The following ARHGAP23 variants were observed in gnomAD, a reference collection of about 807,000 sequenced individuals.
The protein encoded by ARHGAP23 is Rho GTPase activating protein 23.
Under a neutral mutation model 136.3 loss-of-function variants are expected in ARHGAP23, and 34 were observed. That is an observed-to-expected ratio of 0.25 (90% CI 0.19 to 0.33). ARHGAP23 has a LOEUF of 0.33. Ranked by LOEUF, ARHGAP23 falls within the 10% of genes least tolerant of loss-of-function variation. ARHGAP23 has a pLI of 1.00. For synonymous variants in ARHGAP23, 832 were observed against 920.5 expected (o/e 0.90, Z 1.74); for missense variants, 1,808 against 2,139.0 (o/e 0.85, Z 3.05).
At chr17:38,467,988 A>G (rs950129991) in intron 7 of ARHGAP23, among the ~76,000 whole-genome samples, 12 of 152,212 alleles carry the variant, frequency 7.9e-5, no homozygotes, top group Admixed American at 7.9e-4. Context: ...ATGCAGGGAC[A>G]ATCCATTGGG....
At chr17:38,422,153 G>A (rs909377902) in intron 1 of ARHGAP23, among the ~76,000 whole-genome samples, 9 of 152,172 alleles carry the variant, frequency 5.9e-5, no homozygotes, top group African/African-American at 1.4e-4. Context: ...ATCAGACTTC[G>A]GCTAGAATCC....
intron 1 of ARHGAP23, among the ~76,000 whole-genome samples, chr17:38,456,232 G>C (rs1354461258): frequency 6.6e-6 from 1 of 152,148 alleles, no homozygotes; most frequent in Non-Finnish European, 1.5e-5. Context: ...CTCTTCCCCA[G>C]ACCTGCTCGA....
chr17:38,467,372 G>A, intron 7 of ARHGAP23, 41 bp downstream of exon 7: 5 of 1,448,258 alleles, frequency 3.5e-6, no homozygotes, highest in Non-Finnish European at 4.6e-6. Context: ...GGACTTAGCT[G>A]TCGGCTGTCT....
At chr17:38,441,094 G>A (rs1358797417) in intron 1 of ARHGAP23, among the ~76,000 whole-genome samples, 1 of 152,210 alleles carries the variant, frequency 6.6e-6, no homozygotes, top group African/African-American at 2.4e-5. Flanking sequence ...CTTTTGCTGA[G>A]TGACCATTCG....
chr17:38,470,957 C>CTT (rs35409435), intron 10 of ARHGAP23, among the ~76,000 whole-genome samples: 3,723 of 142,992 alleles, frequency 0.026, 175 homozygotes, highest in African/African-American at 0.091. Context: ...ATTTTTCTTT[C>CTT]TTTTTTTTTT....
At chr17:38,428,309 G>A (rs779745972), upstream of ARHGAP23, 1 of 263,042 alleles carries the variant, frequency 3.8e-6, no homozygotes, top group East Asian at 8.0e-5. Flanking sequence ...GAGCGAGGCC[G>A]CCGGGGCACC....
At chr17:38,499,690 G>A (rs777525711) in intron 22 of ARHGAP23, among the ~76,000 whole-genome samples, 1 of 152,100 alleles carries the variant, frequency 6.6e-6, no homozygotes, top group Non-Finnish European at 1.5e-5. Flanking sequence ...TGTGTGTCGT[G>A]TGTGGTCGCC....
rs529993249 is a variant in ARHGAP23, at chr17:38,479,441, C to T, written c.2442C>T (p.Pro814=). The T allele has an allele frequency of 2.0e-4, 304 of 1,545,414 alleles. 1 individual carries two copies. Among genetic ancestry groups the T allele is most frequent in the East Asian group, 1.9e-3 (76 of 40,866 alleles). ...RENSRAEGED[P]GCANQALISK... is the part of the protein sequence containing the mutation. ...TCTCTCCTCTCCTGCTTCAGGACCC[C>T]GGCTGTGCCAACCAAGCTCTGATCA... is the stretch of plus-strand genomic sequence containing the variant. Residue 814 remains proline, a synonymous_variant, in exon 13 of 24, where the codon CCC becomes CCT. Transcript: ENST00000622683.
At chr17:38,483,417 T>G (rs2040091681) in intron 16 of ARHGAP23, among the ~76,000 whole-genome samples, 1 of 152,126 alleles carries the variant, frequency 6.6e-6, no homozygotes, top group Admixed American at 6.6e-5. Context: ...TCTCAAAGGG[T>G]GTTCCCCAGA....
chr17:38,425,239 T>C (rs2038558215), upstream of ARHGAP23, among the ~76,000 whole-genome samples: 1 of 152,064 alleles, frequency 6.6e-6, no homozygotes, highest in Non-Finnish European at 1.5e-5. Context: ...TCCACTTGGC[T>C]CCAGCCACGA....
chr17:38,480,798 T>C (rs2040019884), intron 14 of ARHGAP23, among the ~76,000 whole-genome samples: 1 of 135,656 alleles, frequency 7.4e-6, no homozygotes. Context: ...AGTGAGACCC[T>C]GTCTCAAAAA....
chr17:38,424,037 A>G (rs554363672), upstream of ARHGAP23, among the ~76,000 whole-genome samples: 1 of 152,238 alleles, frequency 6.6e-6, no homozygotes, highest in East Asian at 1.9e-4. Flanking sequence ...AGAGGGTGAA[A>G]CTGAGGTTCT....
chr17:38,483,617 TCACACA>T (rs908056236), intron 16 of ARHGAP23, among the ~76,000 whole-genome samples: 14 of 152,264 alleles, frequency 9.2e-5, no homozygotes, highest in African/African-American at 3.4e-4. Flanking sequence ...GTCCCACGAA[TCACACA>T]CGTGAAGGCT....
chr17:38,509,842 G>T (rs1189337867), intron 23 of ARHGAP23, 102 bp from the exon 24 acceptor site: 1 of 954,294 alleles, frequency 1.0e-6, no homozygotes, highest in Non-Finnish European at 1.4e-6. Flanking sequence ...GCTGGGGCTT[G>T]TGGCGACTGG....
chr17:38,496,090 G>T (rs1227223112), intron 20 of ARHGAP23, among the ~76,000 whole-genome samples: 2 of 151,980 alleles, frequency 1.3e-5, no homozygotes, highest in Non-Finnish European at 2.9e-5. Flanking sequence ...TAGAGATGGG[G>T]TTTCACCATA....
intron 7 of ARHGAP23, among the ~76,000 whole-genome samples, chr17:38,467,791 A>G (rs1040592492): frequency 4.6e-5 from 7 of 150,824 alleles, no homozygotes; most frequent in Admixed American, 4.0e-4. Flanking sequence ...CCATTCATCC[A>G]TCTTTCTTTC....
upstream of ARHGAP23, chr17:38,428,415 GC>G: frequency 1.2e-6 from 1 of 842,120 alleles, no homozygotes. Flanking sequence ...CCCGCCCCCG[GC>G]CCCGCCCCTC....
Position 38,453,983 on chromosome 17 carries a change from T to C in ARHGAP23, c.64-4119T>C, listed in dbSNP as rs1372107878. ...GAGCCCCCGCCGGCCGCGGAGCTGG[T>C]GGGCAGCGCCGTGTGGCGCGTGGAG... On this transcript the variant is annotated intron_variant, in intron 1 of 23. Transcript: ENST00000622683. The C allele has an allele frequency of 2.7e-5, 4 of 145,614 alleles. No individual in the cohort carries two copies. In the South Asian group the frequency reaches 8.4e-4, roughly 31 times the overall value. The allele number at this position is 145,614 out of a possible 1,614,324, so 9.0% of individuals were successfully genotyped here.
At chr17:38,504,886 G>T (rs1462372079) in intron 23 of ARHGAP23, among the ~76,000 whole-genome samples, 1 of 150,284 alleles carries the variant, frequency 6.7e-6, no homozygotes, top group Admixed American at 6.7e-5. Context: ...AGGCTGTCCC[G>T]GGTAGGAGTG....
Sources: allele counts gnomAD v4.1 joint callset (sites outside exome capture counted in the v4.1 genomes callset), GRCh38; gene constraint gnomAD v4.1.1; transcripts MANE v1.5; gene names NCBI Gene and HGNC (gene_info 2026-07-23, HGNC 2026-07-21).